TTF2: variants seen among roughly 807,000 people sequenced by gnomAD.
TTF2 encodes the protein transcription termination factor 2.
Under a neutral mutation model 142.4 loss-of-function variants are expected in TTF2, and 108 were observed. The ratio of observed to expected loss-of-function variants is 0.76; its 90% confidence interval spans 0.65 to 0.89. The LOEUF (loss-of-function observed/expected upper bound fraction) is 0.89. TTF2 is among the 40% of genes least tolerant of loss of function. TTF2 has a pLI of 0.00. For missense variants in TTF2, 1,327 were observed against 1,379.8 expected, an observed-to-expected ratio of 0.96 and a Z score of 0.61; for synonymous variants, 483 against 506.2, an observed-to-expected ratio of 0.95 and a Z score of 0.61.
Position 117,075,963 on chromosome 1 carries a change from GTT to G in TTF2, c.1275+107_1275+108del, listed in dbSNP as rs1656975985. 2 of 1,454,814 alleles carry G rather than the reference GTT, an allele frequency of 1.4e-6. No homozygotes were observed. The highest frequency in any genetic ancestry group is 1.8e-6 in the Non-Finnish European group (2 of 1,093,870). The allele number at this position is 1,454,814 out of a possible 1,614,324, so 90.1% of individuals were successfully genotyped here. On this transcript the variant is annotated intron_variant, in intron 5 of 22. Transcript: ENST00000369466. This position sits in a 1 kb window ranked among gnomAD's most constrained non-coding sequence, Gnocchi z 4.5. ...AAGGGTTAAATATGTTCATGTGAAGGTTTTATAGGTGCATGTTCAGTTTCTGC... is the reference window on the plus strand; with the variant it reads ...AAGGGTTAAATATGTTCATGTGAAGGTTATAGGTGCATGTTCAGTTTCTGC...
chr1:117,074,152 G>A (rs1656802427), intron 4 of TTF2, among the ~76,000 whole-genome samples: 1 of 152,098 alleles, frequency 6.6e-6, no homozygotes, highest in African/African-American at 2.4e-5. Context: ...CAGTACGTGA[G>A]GAACTAGAAG....
chr1:117,091,471 A>G, intron 16 of TTF2, 61 bp downstream of exon 16: 1 of 1,505,122 alleles, frequency 6.6e-7, no homozygotes. Context: ...TGGATTCAGT[A>G]AAACACAGAA....
chr1:117,096,371 G>C, intron 20 of TTF2, 72 bp downstream of exon 20: 3 of 1,544,164 alleles, frequency 1.9e-6, no homozygotes, highest in Non-Finnish European at 2.6e-6. Flanking sequence ...TTTTTGTTTG[G>C]TTGGTTTTTG....
In TTF2 at chr1:117,105,334, T is replaced by G. The variant is rs117163130; in HGVS notation, c.*3810T>G. The G allele has an allele frequency of 6.6e-6, 1 of 152,222 alleles. No individual in the cohort carries two copies. The highest frequency in any genetic ancestry group is 6.5e-5 in the Admixed American group (1 of 15,282). The allele number at this position is 152,222 out of a possible 1,614,324, so 9.4% of individuals were successfully genotyped here. On this transcript the variant is annotated 3_prime_UTR_variant, in exon 23 of 23. Coordinates refer to ENST00000369466, the MANE Select transcript of TTF2 (RefSeq NM_003594.4). This position sits in a 1 kb window ranked among gnomAD's most constrained non-coding sequence, Gnocchi z 4.7. ...TTGACTTCATGGAAGGTATGTAGTT[T>G]GACTTTGCCTTAGCCATGTTGATCA...
At chr1:117,095,001 T>C (rs1648982276) in intron 18 of TTF2, among the ~76,000 whole-genome samples, 1 of 152,044 alleles carries the variant, frequency 6.6e-6, no homozygotes, top group African/African-American at 2.4e-5. Context: ...GCTGTGTCGT[T>C]TGAGGAGGGC....
At position 117,073,542 on chromosome 1, in the gene TTF2, TG is replaced by T; in HGVS notation, c.219-118del. The T allele has an allele frequency of 1.1e-6, 1 of 876,268 alleles. No individual in the cohort carries two copies. Among genetic ancestry groups the T allele is most frequent in the Non-Finnish European group, 1.7e-6 (1 of 586,666 alleles). 54.3% of individuals were successfully genotyped at this position (876,268 alleles called of 1,614,324 possible). A position where few individuals can be genotyped will look rare whatever the true frequency, so the allele number is the denominator to read the frequency against. On this transcript the variant is annotated intron_variant, in intron 3 of 22. Coordinates refer to ENST00000369466, the MANE Select transcript of TTF2 (RefSeq NM_003594.4). The surrounding 1 kb of genome is among the most constrained non-coding windows in gnomAD (Gnocchi z 4.4). The stretch of plus-strand genomic sequence containing the variant: ...GTATATAAAAGTAATTGGTTTCAAG[TG>T]ACCTCCCAAAGCCAGGTTCAAATAG...
Position 117,087,474 on chromosome 1 carries a change from G to A in TTF2, c.2160+952G>A, listed in dbSNP as rs757526235. Among the ~76,000 whole-genome samples, 2 of 152,160 alleles carry A rather than the reference G, an allele frequency of 1.3e-5. No homozygotes were observed. Among genetic ancestry groups the A allele is most frequent in the Non-Finnish European group, 2.9e-5 (2 of 68,034 alleles). On this transcript the variant is annotated intron_variant, in intron 12 of 22. Transcript: ENST00000369466. The surrounding 1 kb of genome is among the most constrained non-coding windows in gnomAD (Gnocchi z 4.8). ...GCTCGGCTAATTTTTTGTATTTTTAGTAGAGATGGGGTTTCGCCATGTTGG... is the reference window on the plus strand; with the variant it reads ...GCTCGGCTAATTTTTTGTATTTTTAATAGAGATGGGGTTTCGCCATGTTGG...
rs1648749347 is a variant in TTF2 at position 117,093,034 on chromosome 1, TC to T, written c.2976+134del. 4.1e-6 allele frequency: 4 copies of T among 977,236 alleles called. No homozygotes were observed. The highest frequency in any genetic ancestry group is 2.5e-5 in the Admixed American group (1 of 39,974). 60.5% of individuals were successfully genotyped at this position (977,236 alleles called of 1,614,324 possible). On this transcript the variant is annotated intron_variant, in intron 18 of 22. Coordinates refer to ENST00000369466, the MANE Select transcript of TTF2 (RefSeq NM_003594.4). The surrounding 1 kb of genome is among the most constrained non-coding windows in gnomAD (Gnocchi z 4.5). ...GCTAGAGCCGTTAAATTCTAGCTGA[TC>T]AGATTCTCCCTCCAGTCTTAAAGCT...
rs892670352 is a variant in TTF2, at chr1:117,063,176, C to T, written c.218+703C>T. Among the ~76,000 whole-genome samples the T allele has an allele frequency of 6.6e-6, 1 of 152,250 alleles. No homozygotes were observed. The highest frequency in any genetic ancestry group is 2.4e-5 in the African/African-American group (1 of 41,530). Reference sequence around the variant, plus strand: ...AATTTATATATTCTAGATCCCCCCACCCAATTAAAGGCATTTGAGTACCAC... The same window carrying T: ...AATTTATATATTCTAGATCCCCCCATCCAATTAAAGGCATTTGAGTACCAC... On this transcript the variant is annotated intron_variant, in intron 3 of 22. Transcript: ENST00000369466. This position sits in a 1 kb window ranked among gnomAD's most constrained non-coding sequence, Gnocchi z 4.1.
Position 117,073,642 on chromosome 1 carries a change from G to GT in TTF2, c.219-18dup. 1 of 1,590,576 alleles carries GT rather than the reference G, an allele frequency of 6.3e-7. No homozygotes were observed. On this transcript the variant is annotated intron_variant, in intron 3 of 22. Coordinates refer to ENST00000369466, the MANE Select transcript of TTF2 (RefSeq NM_003594.4). The surrounding 1 kb of genome is among the most constrained non-coding windows in gnomAD (Gnocchi z 4.4). ...TGGATTTTCATAGCCTTGATTATTT[G>GT]TGTTTTATACTTCATTAGATTGTTC...
Position 117,075,705 on chromosome 1 carries a change from C to G in TTF2, c.1121C>G (p.Ser374Trp), listed in dbSNP as rs759713972. The change falls in exon 5 of 23, where the codon TCG becomes TGG. Residue 374 changes from serine to tryptophan, a missense_variant. Coordinates refer to ENST00000369466, the MANE Select transcript of TTF2 (RefSeq NM_003594.4). The surrounding 1 kb of genome is among the most constrained non-coding windows in gnomAD (Gnocchi z 4.5). Reference protein sequence around the residue: ...SKPGSPLLFDSTLDLETKENL... With the variant: ...SKPGSPLLFDWTLDLETKENL... ...CCTGGGAGCCCCCTACTCTTTGACT[C>G]GACTCTGGACTTAGAGACGAAGGAA... 16 of 1,614,036 alleles carry G rather than the reference C, an allele frequency of 9.9e-6. No homozygotes were observed. The highest frequency in any genetic ancestry group is 1.3e-5 in the Non-Finnish European group (15 of 1,180,036).
intron 2 of TTF2, among the ~76,000 whole-genome samples, chr1:117,061,976 G>GTA (rs1409126831): frequency 6.6e-6 from 1 of 152,182 alleles, no homozygotes; most frequent in African/African-American, 2.4e-5. Context: ...CATATAGGGC[G>GTA]TATTGTTAGA....
chr1:117,087,310 T>G lies in TTF2; in HGVS notation c.2160+788T>G, dbSNP rs942545486. ...ATTAGGCTTCATTTATTTATTTATT[T>G]GAGGCAGAATCTCACTCTGTCGCCC... On this transcript the variant is annotated intron_variant, in intron 12 of 22. Transcript: ENST00000369466. This position sits in a 1 kb window ranked among gnomAD's most constrained non-coding sequence, Gnocchi z 4.8. 1.3e-5 allele frequency among the ~76,000 whole-genome samples: 2 copies of G among 152,186 alleles called. No homozygotes were observed. The highest frequency in any genetic ancestry group is 4.8e-5 in the African/African-American group (2 of 41,438).
At chr1:117,064,341 C>A (rs28826439) in intron 3 of TTF2, among the ~76,000 whole-genome samples, 1 of 150,570 alleles carries the variant, frequency 6.6e-6, no homozygotes, top group Non-Finnish European at 1.5e-5. Flanking sequence ...AGTGAAAAAA[C>A]AAAAAAAAAT....
chr1:117,103,521 CTATT>C lies in TTF2; in HGVS notation c.*2000_*2003del. 1 of 152,016 alleles carries C rather than the reference CTATT, an allele frequency of 6.6e-6. No homozygotes were observed. Among genetic ancestry groups the C allele is most frequent in the Non-Finnish European group, 1.5e-5 (1 of 68,028 alleles). The allele number at this position is 152,016 out of a possible 1,614,324, so 9.4% of individuals were successfully genotyped here. A position where few individuals can be genotyped will look rare whatever the true frequency, so the allele number is the denominator to read the frequency against. On this transcript the variant is annotated 3_prime_UTR_variant, in exon 23 of 23. Coordinates refer to ENST00000369466, the MANE Select transcript of TTF2 (RefSeq NM_003594.4). ...GAGTGTGGACTGAGGCATTCGGAGC[CTATT>C]TAAGCAGAAGTTTTCTATAAGGACA...
In TTF2 at chr1:117,073,631, C is replaced by G. The variant is rs760345040; in HGVS notation, c.219-30C>G. On this transcript the variant is annotated intron_variant, in intron 3 of 22. Coordinates refer to ENST00000369466, the MANE Select transcript of TTF2 (RefSeq NM_003594.4). This position sits in a 1 kb window ranked among gnomAD's most constrained non-coding sequence, Gnocchi z 4.4. ...TCTTGTTCTAATGGATTTTCATAGC[C>G]TTGATTATTTGTGTTTTATACTTCA... is the stretch of plus-strand genomic sequence containing the variant. 6.3e-7 allele frequency: 1 copy of G among 1,575,500 alleles called. No homozygotes were observed. Among genetic ancestry groups the G allele is most frequent in the East Asian group, 2.3e-5 (1 of 44,084 alleles).
rs749599220 is a variant in TTF2 at position 117,091,301 on chromosome 1, A to AT, written c.2589-19dup. The AT allele has an allele frequency of 5.3e-5, 84 of 1,593,198 alleles. 1 individual carries two copies. Among genetic ancestry groups the AT allele is most frequent in the South Asian group, 4.7e-4 (42 of 88,490 alleles). On this transcript the variant is annotated intron_variant, in intron 15 of 22. Transcript: ENST00000369466. The stretch of plus-strand genomic sequence containing the variant: ...AGGTCTTAGTGACCATTATACATGC[A>AT]TTTTTTTTCTTTTTAATCTGAGGCA...
Position 117,092,983 on chromosome 1 carries a change from A to G in TTF2, c.2976+82A>G, listed in dbSNP as rs1234758089. 3 of 1,516,354 alleles carry G rather than the reference A, an allele frequency of 2.0e-6. No individual in the cohort carries two copies. The highest frequency in any genetic ancestry group is 2.7e-6 in the Non-Finnish European group (3 of 1,109,060). 93.9% of individuals were successfully genotyped at this position (1,516,354 alleles called of 1,614,324 possible). On this transcript the variant is annotated intron_variant, in intron 18 of 22. Transcript: ENST00000369466. This position sits in a 1 kb window ranked among gnomAD's most constrained non-coding sequence, Gnocchi z 4.4. ...TGTGTGACAGCACTTCATTTGTCCA[A>G]GTGGGAACAGCCATTTGCCAGCAGA...
rs1649668723 is a variant in TTF2 at position 117,102,583 on chromosome 1, T to C, written c.*1059T>C. The C allele has an allele frequency of 6.6e-6, 1 of 152,240 alleles. No individual in the cohort carries two copies. The highest frequency in any genetic ancestry group is 6.5e-5 in the Admixed American group (1 of 15,292). The allele number at this position is 152,240 out of a possible 1,614,324, so 9.4% of individuals were successfully genotyped here. A position where few individuals can be genotyped will look rare whatever the true frequency, so the allele number is the denominator to read the frequency against. On this transcript the variant is annotated 3_prime_UTR_variant, in exon 23 of 23. Coordinates refer to ENST00000369466, the MANE Select transcript of TTF2 (RefSeq NM_003594.4). Reference sequence around the variant, plus strand: ...TTCATTGTATCGTTTAGTATTTCTATTATAACATTTCTATTTGTAGTATTT... The same window carrying C: ...TTCATTGTATCGTTTAGTATTTCTACTATAACATTTCTATTTGTAGTATTT...
Sources: gnomAD v4.1 joint callset for allele counts (sites outside exome capture counted in the v4.1 genomes callset) on GRCh38, gnomAD v4.1.1 for gene constraint, Gnocchi (gnomAD v3.1) non-coding constraint, MANE v1.5 for transcripts, NCBI Gene and HGNC (gene_info 2026-07-23, HGNC 2026-07-21) for gene names.